REV3L: variants seen among roughly 807,000 people sequenced by gnomAD.
The protein encoded by REV3L is DNA polymerase zeta catalytic subunit.
In REV3L, 69 loss-of-function variants were observed where a neutral mutation model predicts 299.4. That is an observed-to-expected ratio of 0.23 (90% CI 0.19 to 0.28). The LOEUF (loss-of-function observed/expected upper bound fraction) is 0.28. REV3L is among the 10% of genes least tolerant of loss of function. REV3L has a pLI of 1.00. For synonymous variants in REV3L, 1,238 were observed against 1,271.4 expected (o/e 0.97, Z 0.56); for missense variants, 3,128 against 3,693.8 (o/e 0.85, Z 3.97).
At chr6:111,431,187 T>C (rs1436766040) in intron 1 of REV3L, 12 of 1,565,054 alleles carry the variant, frequency 7.7e-6, no homozygotes, top group Non-Finnish European at 1.1e-5. Context: ...GCCAAGATTA[T>C]CCATCTGTGA....
At chr6:111,457,292 ATCAAATGACAT>A (rs1305724497) in intron 1 of REV3L, among the ~76,000 whole-genome samples, 1 of 152,048 alleles carries the variant, frequency 6.6e-6, no homozygotes, top group Non-Finnish European at 1.5e-5. Flanking sequence ...TCCGAAGACA[ATCAAATGACAT>A]TCAAGTGATC....
intron 1 of REV3L, among the ~76,000 whole-genome samples, chr6:111,480,413 T>G (rs750682890): frequency 1.1e-4 from 17 of 152,156 alleles, no homozygotes; most frequent in Non-Finnish European, 2.2e-4. Context: ...TGGCCTCTCT[T>G]TTATATTAAT....
intron 18 of REV3L, among the ~76,000 whole-genome samples, chr6:111,354,531 T>C (rs1219825327): frequency 1.3e-5 from 2 of 152,168 alleles, no homozygotes; most frequent in African/African-American, 4.8e-5. Flanking sequence ...TACATATATA[T>C]TTATTTTTTG....
intron 1 of REV3L, among the ~76,000 whole-genome samples, chr6:111,446,701 A>AAAACAAACAAAC (rs35603807): frequency 2.2e-4 from 33 of 149,796 alleles, no homozygotes; most frequent in East Asian, 1.0e-3. Context: ...ACTCTGTCTC[A>AAAACAAACAAAC]AAACAAACAA....
intron 1 of REV3L, among the ~76,000 whole-genome samples, chr6:111,445,858 AACAG>A (rs2128311976): frequency 6.6e-6 from 1 of 152,332 alleles, no homozygotes; most frequent in Non-Finnish European, 1.5e-5. Context: ...AAACAGAGGG[AACAG>A]TTTAAGCAAA....
chr6:111,424,370 A>T (rs993510553), intron 1 of REV3L, among the ~76,000 whole-genome samples: 5 of 152,150 alleles, frequency 3.3e-5, no homozygotes, highest in African/African-American at 1.2e-4. Context: ...CTGAGTAAGG[A>T]CCTTTCAATA....
In REV3L at chr6:111,373,119, T is replaced by G. The variant is rs1210630066; in HGVS notation, c.5236A>C (p.Asn1746His). The change falls in exon 13 of 32, where the codon AAT becomes CAT. Residue 1746 changes from asparagine (N) to histidine (H), a missense_variant. Transcript: ENST00000368802. ...NENRRHNQWK[N>H]SFHPLTTRSN... The stretch of plus-strand genomic sequence containing the variant: ...CGAGTTGTTAGAGGATGAAAGCTAT[T>G]TTTCCACTGGTTGTGGCGACGATTC... 5 of 1,614,158 alleles carry G rather than the reference T, an allele frequency of 3.1e-6. No homozygotes were observed. The South Asian group carries it at 5.5e-5, about 18-fold the overall frequency.
chr6:111,460,832 T>C (rs1056743856), intron 1 of REV3L, among the ~76,000 whole-genome samples: 5 of 152,096 alleles, frequency 3.3e-5, no homozygotes, highest in Non-Finnish European at 7.4e-5. Flanking sequence ...GGACCACATA[T>C]ATAATGGTGG....
At chr6:111,482,346 C>T (rs990079104) in intron 1 of REV3L, among the ~76,000 whole-genome samples, 1 of 152,210 alleles carries the variant, frequency 6.6e-6, no homozygotes, top group Non-Finnish European at 1.5e-5. Flanking sequence ...CAAGGGATGT[C>T]CCACTAGCGA....
intron 21 of REV3L, among the ~76,000 whole-genome samples, chr6:111,341,108 C>G (rs1776439135): frequency 7.1e-6 from 1 of 141,568 alleles, no homozygotes; most frequent in Non-Finnish European, 1.5e-5. Context: ...GTGGCGTGAT[C>G]TTAGTCACTG....
chr6:111,366,484 TG>T (rs762407988), intron 14 of REV3L, among the ~76,000 whole-genome samples: 1 of 151,730 alleles, frequency 6.6e-6, no homozygotes, highest in South Asian at 2.1e-4. Flanking sequence ...GAAAATCAAG[TG>T]GGAAAAAAAC....
intron 3 of REV3L, among the ~76,000 whole-genome samples, chr6:111,409,704 T>G (rs1562267994): frequency 1.3e-5 from 2 of 152,070 alleles, no homozygotes; most frequent in Non-Finnish European, 2.9e-5. Flanking sequence ...AAAGTAGACA[T>G]ACAGCACGCA....
rs1299367146 is a variant in REV3L, at chr6:111,320,145, T to G, written c.8351+2424A>C. Among the ~76,000 whole-genome samples, 5 of 152,114 alleles carry G rather than the reference T, an allele frequency of 3.3e-5. No homozygotes were observed. The East Asian group carries it at 9.6e-4, about 29-fold the overall frequency. On this transcript the variant is annotated intron_variant, in intron 26 of 31. Coordinates refer to ENST00000368802, the MANE Select transcript of REV3L (RefSeq NM_001372078.1). ...GTGCAATGGCGCAATCTTGGCTCAC[T>G]GCAACCTCTGCCTCCCGGGTTCTAG...
At chr6:111,480,885 C>A (rs1793552850) in intron 1 of REV3L, among the ~76,000 whole-genome samples, 1 of 145,626 alleles carries the variant, frequency 6.9e-6, no homozygotes, top group Non-Finnish European at 1.5e-5. Context: ...GTGGGATGTC[C>A]ATGAAGGATT....
intron 1 of REV3L, among the ~76,000 whole-genome samples, chr6:111,444,337 T>G (rs550649251): frequency 6.6e-6 from 1 of 152,204 alleles, no homozygotes; most frequent in Non-Finnish European, 1.5e-5. Flanking sequence ...TTAAAGTCTC[T>G]GTCTAGAAGG....
In REV3L at chr6:111,431,139, TC is replaced by T; in HGVS notation, c.140-14668del. On this transcript the variant is annotated intron_variant, in intron 1 of 31. Coordinates refer to ENST00000368802, the MANE Select transcript of REV3L (RefSeq NM_001372078.1). Reference sequence around the variant, plus strand: ...CAACCTATGGGGAAGACACAGATCTTCCAAGCGATCTCAGCAGCCATGAGTT... The same window carrying T: ...CAACCTATGGGGAAGACACAGATCTTCAAGCGATCTCAGCAGCCATGAGTT... 4 of 1,528,014 alleles carry T rather than the reference TC, an allele frequency of 2.6e-6. No homozygotes were observed. The Admixed American group carries it at 5.0e-5, about 19-fold the overall frequency. 94.7% of individuals were successfully genotyped at this position (1,528,014 alleles called of 1,614,324 possible).
chr6:111,353,839 T>C (rs1297580357), intron 18 of REV3L: 1 of 152,238 alleles, frequency 6.6e-6, no homozygotes, highest in African/African-American at 2.4e-5. Context: ...TCTCTTTCAT[T>C]AAACTCTTCT....
chr6:111,445,534 C>T (rs763021751), intron 1 of REV3L, among the ~76,000 whole-genome samples: 1 of 152,074 alleles, frequency 6.6e-6, no homozygotes, highest in Non-Finnish European at 1.5e-5. Flanking sequence ...GGGGGATATA[C>T]CAACAATTCA....
At chr6:111,419,539 C>A (rs1785093706) in intron 1 of REV3L, among the ~76,000 whole-genome samples, 1 of 152,182 alleles carries the variant, frequency 6.6e-6, no homozygotes, top group Non-Finnish European at 1.5e-5. Flanking sequence ...TAGAGATAAA[C>A]CAGTCTACTA....
Sources: allele counts gnomAD v4.1 joint callset (sites outside exome capture counted in the v4.1 genomes callset), GRCh38; gene constraint gnomAD v4.1.1; transcripts MANE v1.5; gene names NCBI Gene and HGNC (gene_info 2026-07-23, HGNC 2026-07-21).